Variants in DNAAF1 observed in about 807,000 individuals in gnomAD.
The protein encoded by DNAAF1 is dynein assembly factor 1, axonemal.
Under a neutral mutation model 71.1 loss-of-function variants are expected in DNAAF1, and 65 were observed. The ratio of observed to expected loss-of-function variants is 0.91; its 90% confidence interval spans 0.75 to 1.12. The LOEUF (loss-of-function observed/expected upper bound fraction) is 1.12. Among genes scored for constraint, DNAAF1 ranks in the 50% most tolerant of loss-of-function variants. The pLI, the probability that DNAAF1 is intolerant of heterozygous loss-of-function variation, is 0.00. For synonymous variants in DNAAF1, 414 were observed against 354.6 expected, an observed-to-expected ratio of 1.17 and a Z score of -1.88; for missense variants, 1,178 against 899.8, an observed-to-expected ratio of 1.31 and a Z score of -3.96.
intron 8 of DNAAF1, 27 bp downstream of exon 8, chr16:84,170,383 G>C (rs1208547888): frequency 2.5e-6 from 4 of 1,613,114 alleles, no homozygotes; most frequent in South Asian, 1.1e-5. Context: ...AACACACACA[G>C]ACACACACAC....
In DNAAF1 at chr16:84,169,869, A is replaced by G; in HGVS notation, c.1041A>G (p.Thr347=). ...ATTTTCTGCCATTAGGGGAGATGAC[A>G]TCTTCAGATGATGGTGAGAATGTGC... is the stretch of plus-strand genomic sequence containing the variant. ...QRESQERGEM[T]SSDDGENVPA... Residue 347 remains threonine, a synonymous_variant, in exon 8 of 12, where the codon ACA becomes ACG. Transcript: ENST00000378553. 1 of 1,613,852 alleles carries G rather than the reference A, an allele frequency of 6.2e-7. No homozygotes were observed.
At chr16:84,161,952 G>T (rs2087735551) in intron 6 of DNAAF1, among the ~76,000 whole-genome samples, 1 of 152,042 alleles carries the variant, frequency 6.6e-6, no homozygotes, top group Admixed American at 6.6e-5. Context: ...TTCACTGCTG[G>T]GTCCCCAGCC....
intron 5 of DNAAF1, among the ~76,000 whole-genome samples, chr16:84,156,173 G>C (rs1388112400): frequency 6.6e-6 from 1 of 152,140 alleles, no homozygotes; most frequent in Non-Finnish European, 1.5e-5. Context: ...ATGTTGTCCA[G>C]GCTGGTCTTG....
At chr16:84,169,157 T>C (rs1392111918) in intron 7 of DNAAF1, among the ~76,000 whole-genome samples, 1 of 143,522 alleles carries the variant, frequency 7.0e-6, no homozygotes, top group Admixed American at 7.3e-5. Flanking sequence ...CACTGCAACC[T>C]CTGTCTCCTG....
chr16:84,153,498 A>G (rs1295289146), intron 3 of DNAAF1, among the ~76,000 whole-genome samples: 3 of 152,222 alleles, frequency 2.0e-5, no homozygotes, highest in Admixed American at 6.5e-5. Context: ...TTCTATAACT[A>G]TGTTAAATAT....
chr16:84,173,286 A>T, intron 9 of DNAAF1: 1 of 781,638 alleles, frequency 1.3e-6, no homozygotes, highest in Non-Finnish European at 1.6e-6. Context: ...ACATGGTGAA[A>T]ACCCATCTCT....
intron 1 of DNAAF1, among the ~76,000 whole-genome samples, chr16:84,146,035 T>C (rs2086886142): frequency 6.6e-6 from 1 of 151,946 alleles, no homozygotes; most frequent in Non-Finnish European, 1.5e-5. Context: ...AGGCGGAGGT[T>C]GCAGTGAGCC....
intron 10 of DNAAF1, chr16:84,175,577 G>A: frequency 6.4e-6 from 2 of 310,456 alleles, no homozygotes; most frequent in South Asian, 3.3e-5. Context: ...TACTGTGGGG[G>A]GCCTGCTGTC....
intron 1 of DNAAF1, 42 bp from the exon 2 acceptor site, chr16:84,148,965 T>A (rs747375519): frequency 6.2e-7 from 1 of 1,611,996 alleles, no homozygotes; most frequent in Admixed American, 1.7e-5. Flanking sequence ...TTTTTTGGCA[T>A]ATATCTTGAT....
At chr16:84,149,564 A>G (rs1302845064) in intron 2 of DNAAF1, among the ~76,000 whole-genome samples, 2 of 150,432 alleles carry the variant, frequency 1.3e-5, no homozygotes, top group African/African-American at 4.9e-5. Flanking sequence ...AGTGGCGGGC[A>G]CCTGTAATCC....
At position 84,145,414 on chromosome 16, in the gene DNAAF1, G is replaced by A. The variant is rs770276339; in HGVS notation, c.-27G>A. 1 of 1,572,604 alleles carries A rather than the reference G, an allele frequency of 6.4e-7. No homozygotes were observed. The highest frequency in any genetic ancestry group is 8.6e-7 in the Non-Finnish European group (1 of 1,159,220). ...GCGAACCTGGGCCCCCCAAAGCTGC[G>A]GGGCGTTCGGTGTCGCCGAAGTAAA... On this transcript the variant is annotated 5_prime_UTR_variant, in exon 1 of 12. Coordinates refer to ENST00000378553, the MANE Select transcript of DNAAF1 (RefSeq NM_178452.6).
chr16:84,145,500 G>A lies in DNAAF1; in HGVS notation c.60G>A (p.Gln20=). ...GTGCAGCAGAGCTGGATTGCGCGCAGGAGCCCGGCGTGGAGGAGTCTGCGG... is the reference window on the plus strand; with the variant it reads ...GTGCAGCAGAGCTGGATTGCGCGCAAGAGCCCGGCGTGGAGGAGTCTGCGG... The part of the protein sequence containing the change: ...TGGAAELDCA[Q]EPGVEESAGD... Residue 20 remains glutamine (Q), a synonymous_variant, in exon 1 of 12, where the codon CAG becomes CAA. Transcript: ENST00000378553. 1 of 1,565,752 alleles carries A rather than the reference G, an allele frequency of 6.4e-7. No individual in the cohort carries two copies. Among genetic ancestry groups the A allele is most frequent in the East Asian group, 2.3e-5 (1 of 42,996 alleles).
rs911074434 is a variant in DNAAF1 at position 84,155,736 on chromosome 16, G to A, written c.728G>A (p.Ser243Asn). The A allele has an allele frequency of 6.2e-7, 1 of 1,614,130 alleles. No individual in the cohort carries two copies. The highest frequency in any genetic ancestry group is 1.7e-5 in the Admixed American group (1 of 60,006). The change falls in exon 5 of 12, where the codon AGC (serine) becomes AAC (asparagine). Residue 243 changes from serine to asparagine, a missense_variant. Coordinates refer to ENST00000378553, the MANE Select transcript of DNAAF1 (RefSeq NM_178452.6). ...SDPEILSILE[S>N]MPDLRVLNLM... Reference sequence around the variant, plus strand: ...CCGGAGATCCTGAGCATTCTGGAAAGCATGCCCGATTTGGTAAAAAACAAA... The same window carrying A: ...CCGGAGATCCTGAGCATTCTGGAAAACATGCCCGATTTGGTAAAAAACAAA...
At chr16:84,157,419 A>T (rs866661363) in intron 5 of DNAAF1, among the ~76,000 whole-genome samples, 10 of 149,772 alleles carry the variant, frequency 6.7e-5, no homozygotes, top group African/African-American at 2.5e-4. Context: ...GCTACTTGGG[A>T]GGCTGAGGCA....
At chr16:84,157,732 G>T (rs565548338) in intron 5 of DNAAF1, among the ~76,000 whole-genome samples, 1 of 152,146 alleles carries the variant, frequency 6.6e-6, no homozygotes, top group African/African-American at 2.4e-5. Context: ...GGAGAAAAGT[G>T]AGTCAACTGA....
In DNAAF1 at chr16:84,176,182, C is replaced by G. The variant is rs759644657; in HGVS notation, c.1948C>G (p.Leu650Val). Reference protein sequence around the residue: ...TKSPRPLIQELSDEDPSGQLL... With the variant: ...TKSPRPLIQEVSDEDPSGQLL... The stretch of plus-strand genomic sequence containing the variant: ...GTCCCCAAGACCCCTGATCCAGGAG[C>G]TCAGCGACGAGGACCCCTCTGGCCA... Residue 650 changes from leucine (L) to valine (V), a missense_variant, in exon 11 of 12, where the codon CTC becomes GTC. Transcript: ENST00000378553. 6.2e-7 allele frequency: 1 copy of G among 1,613,932 alleles called. No individual in the cohort carries two copies. Among genetic ancestry groups the G allele is most frequent in the African/African-American group, 1.3e-5 (1 of 74,938 alleles).
intron 3 of DNAAF1, 52 bp downstream of exon 3, chr16:84,150,394 AGCGGTATAAAAAATTACTT>A: frequency 7.0e-7 from 1 of 1,418,516 alleles, no homozygotes; most frequent in Non-Finnish European, 1.0e-6. Context: ...GATTCTGTCT[AGCGGTATAAAAAATTACTT>A]GCAGGGATCA....
At chr16:84,175,559 G>C in intron 10 of DNAAF1, 1 of 286,456 alleles carries the variant, frequency 3.5e-6, no homozygotes, top group South Asian at 3.7e-5. Flanking sequence ...AAAGAAAACA[G>C]ACACAGTTAC....
At position 84,145,478 on chromosome 16, in the gene DNAAF1, C is replaced by T; in HGVS notation, c.38C>T (p.Ala13Val). The T allele has an allele frequency of 1.3e-6, 2 of 1,576,802 alleles. No homozygotes were observed. Among genetic ancestry groups the T allele is most frequent in the Middle Eastern group, 1.7e-4 (1 of 5,956 alleles). ...CCCTCGGAGCCTGCGACAGGTGGTG[C>T]AGCAGAGCTGGATTGCGCGCAGGAG... The part of the protein sequence containing the change: ...PEPSEPATGG[A>V]AELDCAQEPG... Residue 13 changes from alanine (A) to valine (V), a missense_variant, in exon 1 of 12, where the codon GCA (alanine) becomes GTA (valine). Ala to Val is a moderately conservative substitution (Grantham distance 64). Coordinates refer to ENST00000378553, the MANE Select transcript of DNAAF1 (RefSeq NM_178452.6).
Sources: allele counts gnomAD v4.1 joint callset (sites outside exome capture counted in the v4.1 genomes callset), GRCh38; gene constraint gnomAD v4.1.1; transcripts MANE v1.5; gene names NCBI Gene and HGNC (gene_info 2026-07-23, HGNC 2026-07-21).